RBFOX1: variants seen among roughly 807,000 people sequenced by gnomAD.
RBFOX1 encodes RNA binding protein fox-1 homolog 1.
Under a neutral mutation model 57.7 loss-of-function variants are expected in RBFOX1, and 8 were observed. That is an observed-to-expected ratio of 0.14 (90% CI 0.08 to 0.25). The LOEUF (loss-of-function observed/expected upper bound fraction) is 0.25, where lower values mean the gene tolerates loss of function less well. Among genes scored for constraint, RBFOX1 ranks in the 10% least tolerant of loss-of-function variants. The pLI is 1.00. For missense variants in RBFOX1, 611 were observed against 548.5 expected (o/e 1.11, Z -1.14); for synonymous variants, 326 against 222.4 (o/e 1.47, Z -4.15).
At chr16:5,909,090 C>CATTTT (rs1567135376) in intron 4 of RBFOX1, among the ~76,000 whole-genome samples, 1 of 116,390 alleles carries the variant, frequency 8.6e-6, no homozygotes, top group Non-Finnish European at 1.7e-5. Context: ...CTAAGCCCCC[C>CATTTT]TTTTTTTTTT....
chr16:6,395,577 A>T (rs1037392921), intron 2 of RBFOX1, among the ~76,000 whole-genome samples: 2 of 75,898 alleles, frequency 2.6e-5, no homozygotes, highest in Admixed American at 2.1e-4. Context: ...GAAAAAACAT[A>T]TAATTATATA....
intron 3 of RBFOX1, among the ~76,000 whole-genome samples, chr16:6,701,458 A>G (rs186084034): frequency 2.6e-5 from 4 of 152,330 alleles, no homozygotes; most frequent in African/African-American, 9.6e-5. Context: ...TAATTTTTAA[A>G]GAAGAAAGGT....
chr16:5,696,939 G>C (rs2050863040), intron 3 of RBFOX1, among the ~76,000 whole-genome samples: 1 of 152,036 alleles, frequency 6.6e-6, no homozygotes, highest in Admixed American at 6.6e-5. Flanking sequence ...TTGAGACCGA[G>C]TCTCATTCTC....
In RBFOX1 at chr16:6,959,491, TTTTTTTA is replaced by T. The variant is rs1008451857; in HGVS notation, c.-15-92551_-15-92545del. 1.9e-3 allele frequency among the ~76,000 whole-genome samples: 293 copies of T among 151,860 alleles called. 2 individuals carry two copies. Among genetic ancestry groups the T allele is most frequent in the African/African-American group, 6.7e-3 (277 of 41,186 alleles). Reference sequence around the variant, plus strand: ...CTAGGCCTGATCTCAAGGGAGTATCTTTTTTTATTTTTTATTTTTTACCCTCTCTCAT... The same window carrying T: ...CTAGGCCTGATCTCAAGGGAGTATCTTTTTTTATTTTTTACCCTCTCTCAT... On this transcript the variant is annotated intron_variant, in intron 3 of 15. Coordinates refer to ENST00000550418, the MANE Select transcript of RBFOX1 (RefSeq NM_018723.4).
chr16:5,832,769 A>G (rs1317040556), intron 3 of RBFOX1, among the ~76,000 whole-genome samples: 1 of 152,178 alleles, frequency 6.6e-6, no homozygotes, highest in East Asian at 1.9e-4. Context: ...AGCCAGAGTG[A>G]ACAGGAACCA....
At chr16:7,247,255 C>G (rs904246757) in intron 4 of RBFOX1, among the ~76,000 whole-genome samples, 17 of 152,154 alleles carry the variant, frequency 1.1e-4, no homozygotes, top group Admixed American at 6.5e-4. Context: ...CAAACGCCTT[C>G]AAGCCTTTAA....
chr16:5,684,664 C>A (rs930222020), intron 3 of RBFOX1, among the ~76,000 whole-genome samples: 1 of 152,164 alleles, frequency 6.6e-6, no homozygotes, highest in Non-Finnish European at 1.5e-5. Flanking sequence ...ATGATTCAGC[C>A]TTTTCATCAG....
At chr16:7,153,852 G>A (rs1195551914) in intron 4 of RBFOX1, among the ~76,000 whole-genome samples, 1 of 152,028 alleles carries the variant, frequency 6.6e-6, no homozygotes, top group African/African-American at 2.4e-5. Context: ...GCTATCAGAT[G>A]TTTTTGTTCT....
intron 3 of RBFOX1, among the ~76,000 whole-genome samples, chr16:6,951,942 G>T (rs1229552623): frequency 6.6e-6 from 1 of 152,114 alleles, no homozygotes; most frequent in African/African-American, 2.4e-5. Context: ...CACCATGTTG[G>T]TCAGGCTGGT....
At chr16:6,550,947 G>C (rs1170750053) in intron 2 of RBFOX1, among the ~76,000 whole-genome samples, 1 of 152,198 alleles carries the variant, frequency 6.6e-6, no homozygotes, top group East Asian at 1.9e-4. Context: ...GGGTCTGGCT[G>C]TGTTCACTTA....
Position 7,612,822 on chromosome 16 carries a change from A to T in RBFOX1, c.676+5484A>T, listed in dbSNP as rs977408985. The stretch of plus-strand genomic sequence containing the variant: ...AATTGCCAGTAAAATACACACTGCA[A>T]AGCTCACCCACGTTGTATATCATAT... On this transcript the variant is annotated intron_variant, in intron 10 of 15. Coordinates refer to ENST00000550418, the MANE Select transcript of RBFOX1 (RefSeq NM_018723.4). Among the ~76,000 whole-genome samples the T allele has an allele frequency of 2.0e-5, 3 of 152,190 alleles. No homozygotes were observed. The East Asian group carries it at 5.8e-4, about 29-fold the overall frequency.
chr16:7,065,835 C>T (rs1289033284), intron 4 of RBFOX1, among the ~76,000 whole-genome samples: 1 of 152,242 alleles, frequency 6.6e-6, no homozygotes, highest in Middle Eastern at 3.4e-3. Flanking sequence ...TGGTAATCAC[C>T]ATTCTACTCT....
At chr16:5,422,839 CAG>C (rs2067388138) in intron 1 of RBFOX1, among the ~76,000 whole-genome samples, 1 of 77,490 alleles carries the variant, frequency 1.3e-5, no homozygotes, top group South Asian at 5.1e-4. Context: ...GAGGGAGGAG[CAG>C]AGAGAAGGAG....
At chr16:7,000,073 G>A (rs78773010) in intron 3 of RBFOX1, among the ~76,000 whole-genome samples, 1,468 of 133,994 alleles carry the variant, frequency 0.011, no homozygotes, top group Middle Eastern at 0.017. Context: ...CTGTTTCAAA[G>A]AAAAAAAAAA....
intron 3 of RBFOX1, among the ~76,000 whole-genome samples, chr16:5,714,357 C>G (rs967810700): frequency 2.0e-5 from 3 of 152,194 alleles, no homozygotes; most frequent in Non-Finnish European, 4.4e-5. Flanking sequence ...CTGCTCCCAT[C>G]ATGATGAGAA....
intron 4 of RBFOX1, among the ~76,000 whole-genome samples, chr16:7,200,357 C>G (rs1432040504): frequency 6.6e-6 from 1 of 152,166 alleles, no homozygotes; most frequent in African/African-American, 2.4e-5. Context: ...CTGAATGTGA[C>G]AGGAAGCACG....
At chr16:7,264,617 A>G (rs949689877) in intron 4 of RBFOX1, among the ~76,000 whole-genome samples, 4 of 152,256 alleles carry the variant, frequency 2.6e-5, no homozygotes, top group African/African-American at 7.2e-5. Context: ...GTATTACAAT[A>G]AAATTTGATT....
At chr16:6,922,911 G>T (rs921706544) in intron 3 of RBFOX1, among the ~76,000 whole-genome samples, 5 of 152,118 alleles carry the variant, frequency 3.3e-5, no homozygotes, top group Non-Finnish European at 5.9e-5. Context: ...CTATATGTCT[G>T]TATTTCCTTT....
At chr16:5,725,310 C>G (rs906361221) in intron 3 of RBFOX1, among the ~76,000 whole-genome samples, 1 of 152,106 alleles carries the variant, frequency 6.6e-6, no homozygotes, top group African/African-American at 2.4e-5. Flanking sequence ...ATTATGAAGT[C>G]TTAGCTCACT....
Sources: allele counts gnomAD v4.1 joint callset (sites outside exome capture counted in the v4.1 genomes callset), GRCh38; gene constraint gnomAD v4.1.1; transcripts MANE v1.5; gene names NCBI Gene and HGNC (gene_info 2026-07-23, HGNC 2026-07-21).